CLDN10: variants seen among roughly 807,000 people sequenced by gnomAD.
The protein encoded by CLDN10 is claudin 10, also known as claudin-10.
CLDN10 carries 15 observed loss-of-function variants against 22.9 expected under a neutral mutation model. The observed-to-expected ratio is 0.65, with a 90% confidence interval of 0.44 to 1.01. The LOEUF is 1.01. Ranked by LOEUF, CLDN10 falls within the 50% of genes least tolerant of loss-of-function variation. The pLI is 0.00. For synonymous variants in CLDN10, 114 were observed against 111.4 expected, an observed-to-expected ratio of 1.02 and a Z score of -0.15; for missense variants, 247 against 287.8, an observed-to-expected ratio of 0.86 and a Z score of 1.03.
At position 95,577,938 on chromosome 13, in the gene CLDN10, G is replaced by T. The variant is rs199983756; in HGVS notation, c.611G>T (p.Arg204Leu). ...GGGGCCACATCTGTCATGTCTTCTC[G>T]GACAAAGTATCATGGTGGAGAAGAT... Reference protein sequence around the residue: ...YNGATSVMSSRTKYHGGEDFK... With the variant: ...YNGATSVMSSLTKYHGGEDFK... The change falls in exon 5 of 5, where the codon CGG (arginine) becomes CTG (leucine). Residue 204 changes from arginine (R) to leucine (L), a missense_variant. Transcript: ENST00000299339. The T allele has an allele frequency of 6.2e-7, 1 of 1,613,554 alleles. No individual in the cohort carries two copies. Among genetic ancestry groups the T allele is most frequent in the Non-Finnish European group, 8.5e-7 (1 of 1,179,678 alleles).
At chr13:95,508,481 C>T (rs984355115) in intron 1 of CLDN10, among the ~76,000 whole-genome samples, 2 of 152,364 alleles carry the variant, frequency 1.3e-5, no homozygotes, top group African/African-American at 4.8e-5. Flanking sequence ...CAGGGAAAAT[C>T]AAGTCCAGGA....
chr13:95,549,641 G>A (rs2043544358), upstream of CLDN10, among the ~76,000 whole-genome samples: 1 of 152,032 alleles, frequency 6.6e-6, no homozygotes, highest in African/African-American at 2.4e-5. Context: ...TTCATTCTTT[G>A]GTCAGGAACT....
rs75675759 is a variant in CLDN10, at chr13:95,558,007, G to A, written c.221-2125G>A. ...TAACAAAGCATGGAAGTAACTAAAG[G>A]CAATGCAAATTAGGGTACATGCTAA... On this transcript the variant is annotated intron_variant, in intron 1 of 4. Coordinates refer to ENST00000299339, the MANE Select transcript of CLDN10 (RefSeq NM_006984.5). 1.0e-3 allele frequency among the ~76,000 whole-genome samples: 153 copies of A among 152,218 alleles called. 2 individuals carry two copies. In the East Asian group the frequency reaches 0.024, roughly 24 times the overall value.
chr13:95,565,319 A>C (rs1391042779), intron 3 of CLDN10, among the ~76,000 whole-genome samples: 1 of 152,224 alleles, frequency 6.6e-6, no homozygotes, highest in African/African-American at 2.4e-5. Context: ...AACATTAAGA[A>C]ACTTCTTTTC....
chr13:95,514,014 T>G (rs1377826757), intron 1 of CLDN10, among the ~76,000 whole-genome samples: 1 of 152,050 alleles, frequency 6.6e-6, no homozygotes, highest in Non-Finnish European at 1.5e-5. Flanking sequence ...TCCCAGCAAT[T>G]TAGGAGGCCA....
chr13:95,487,012 G>T (rs1356516371), intron 1 of CLDN10, among the ~76,000 whole-genome samples: 1 of 152,222 alleles, frequency 6.6e-6, no homozygotes, highest in Non-Finnish European at 1.5e-5. Context: ...TTTGTGTTGT[G>T]TTTCGCACGG....
chr13:95,506,021 T>A (rs1160489472), intron 1 of CLDN10, among the ~76,000 whole-genome samples: 1 of 152,236 alleles, frequency 6.6e-6, no homozygotes, highest in Non-Finnish European at 1.5e-5. Context: ...ATTACAGGCG[T>A]GAGCCATTGC....
At chr13:95,438,193 A>G (rs1364372831) in intron 1 of CLDN10, among the ~76,000 whole-genome samples, 1 of 152,212 alleles carries the variant, frequency 6.6e-6, no homozygotes, top group South Asian at 2.1e-4. Context: ...AGCTGGGACT[A>G]TAGGCACGTG....
intron 1 of CLDN10, among the ~76,000 whole-genome samples, chr13:95,492,090 G>A (rs9516590): frequency 0.42 from 63,828 of 151,540 alleles, 14,480 homozygotes; most frequent in Non-Finnish European, 0.5. Context: ...AATGGACTCC[G>A]TGAGGGTCCT....
chr13:95,473,812 C>A (rs2042659241), intron 1 of CLDN10, among the ~76,000 whole-genome samples: 1 of 152,218 alleles, frequency 6.6e-6, no homozygotes, highest in Admixed American at 6.5e-5. Flanking sequence ...CACAGAAAAC[C>A]TTCAAAGGCC....
At chr13:95,476,413 G>T (rs553689258) in intron 1 of CLDN10, among the ~76,000 whole-genome samples, 4 of 152,178 alleles carry the variant, frequency 2.6e-5, no homozygotes, top group African/African-American at 7.2e-5. Flanking sequence ...GTCCTCACGT[G>T]GTGGCAGAAG....
intron 1 of CLDN10, among the ~76,000 whole-genome samples, chr13:95,486,910 T>G (rs979367202): frequency 2.0e-5 from 3 of 152,104 alleles, no homozygotes; most frequent in African/African-American, 7.2e-5. Context: ...ACATGGAAAA[T>G]TTAAAGAAAT....
intron 1 of CLDN10, among the ~76,000 whole-genome samples, chr13:95,545,602 A>G (rs1265035091): frequency 6.6e-6 from 1 of 152,180 alleles, no homozygotes; most frequent in Non-Finnish European, 1.5e-5. Flanking sequence ...AAATTGAATT[A>G]GGTAACTTTT....
At chr13:95,448,356 G>T (rs1042157265) in intron 1 of CLDN10, among the ~76,000 whole-genome samples, 1 of 152,030 alleles carries the variant, frequency 6.6e-6, no homozygotes, top group African/African-American at 2.4e-5. Context: ...ATACAGGCAG[G>T]CACCCCACAC....
intron 3 of CLDN10, among the ~76,000 whole-genome samples, chr13:95,570,274 C>T (rs1299077717): frequency 2.0e-5 from 3 of 152,144 alleles, no homozygotes; most frequent in Non-Finnish European, 2.9e-5. Context: ...TATTATGACT[C>T]GGTGCCTCAT....
At chr13:95,458,079 G>A (rs1326297910) in intron 1 of CLDN10, among the ~76,000 whole-genome samples, 1 of 152,110 alleles carries the variant, frequency 6.6e-6, no homozygotes, top group Non-Finnish European at 1.5e-5. Flanking sequence ...ACTTGGTTCT[G>A]CTCTACCTGT....
chr13:95,443,341 G>A (rs779126303), intron 1 of CLDN10, among the ~76,000 whole-genome samples: 43 of 152,288 alleles, frequency 2.8e-4, no homozygotes, highest in Non-Finnish European at 5.6e-4. Context: ...TGGTGGGGAA[G>A]GTCAAGGAAA....
At chr13:95,527,039 G>A (rs1186703283) in intron 1 of CLDN10, among the ~76,000 whole-genome samples, 1 of 152,122 alleles carries the variant, frequency 6.6e-6, no homozygotes, top group African/African-American at 2.4e-5. Flanking sequence ...TATGAAATAT[G>A]AGTGTCAAAC....
chr13:95,563,792 T>G (rs1392182731), intron 3 of CLDN10, among the ~76,000 whole-genome samples: 2 of 152,190 alleles, frequency 1.3e-5, no homozygotes, highest in African/African-American at 4.8e-5. Context: ...CACACTTGTA[T>G]AAAAACTAAT....
Sources: gnomAD v4.1 joint callset for allele counts (sites outside exome capture counted in the v4.1 genomes callset) on GRCh38, gnomAD v4.1.1 for gene constraint, MANE v1.5 for transcripts, NCBI Gene and HGNC (gene_info 2026-07-23, HGNC 2026-07-21) for gene names.